FBXO22: variants seen among roughly 807,000 people sequenced by gnomAD.
The protein encoded by FBXO22 is F-box protein 22.
In FBXO22, 13 loss-of-function variants were observed where a neutral mutation model predicts 37.2. The observed-to-expected ratio is 0.35, with a 90% CI of 0.23 to 0.56. FBXO22 has a LOEUF of 0.56. Ranked by LOEUF, FBXO22 falls within the 20% of genes least tolerant of loss-of-function variation. The probability of loss-of-function intolerance (pLI) is 0.87; values close to 1 mark genes in which losing one functional copy is unlikely to be tolerated. For synonymous variants in FBXO22, 189 were observed against 189.1 expected (o/e 1.00, Z 0.00); for missense variants, 446 against 509.9 (o/e 0.87, Z 1.21).
rs1899876817 is a variant in FBXO22 at position 75,904,536 on chromosome 15, C to T, written c.186C>T (p.Thr62=). The part of the protein sequence containing the change: ...WRECVRRVLR[T]HRSVTWISAG... ...AGTGTGTGCGCAGAGTATTGCGGAC[C>T]CATCGGAGCGTAACCTGGATCTCCG... Residue 62 remains threonine, a synonymous_variant, in exon 2 of 7, where the codon ACC becomes ACT. Transcript: ENST00000308275. 6.2e-7 allele frequency: 1 copy of T among 1,613,658 alleles called. No individual in the cohort carries two copies. The highest frequency in any genetic ancestry group is 2.2e-5 in the East Asian group (1 of 44,814).
At chr15:75,919,135 A>AT (rs140491531) in intron 5 of FBXO22, among the ~76,000 whole-genome samples, 2 of 151,574 alleles carry the variant, frequency 1.3e-5, no homozygotes, top group Admixed American at 6.6e-5. Flanking sequence ...TGCCTGGCTA[A>AT]TTTTTTTTGT....
intron 3 of FBXO22, among the ~76,000 whole-genome samples, 156 bp from the exon 4 acceptor site, chr15:75,913,954 A>G (rs1900126241): frequency 6.6e-6 from 1 of 152,248 alleles, no homozygotes. Flanking sequence ...CAAAACAGGT[A>G]AAGTGTTTGT....
intron 5 of FBXO22, among the ~76,000 whole-genome samples, chr15:75,924,854 A>T (rs1900405971): frequency 6.6e-6 from 1 of 152,180 alleles, no homozygotes; most frequent in African/African-American, 2.4e-5. Flanking sequence ...CAGTTGACTC[A>T]CACCTGGGAT....
chr15:75,933,277 A>G lies in FBXO22; in HGVS notation c.*175A>G. On this transcript the variant is annotated 3_prime_UTR_variant, in exon 7 of 7. Coordinates refer to ENST00000308275, the MANE Select transcript of FBXO22 (RefSeq NM_147188.3). ...TATTTAATATATTAGATGAAGGACA[A>G]CTTTGGACATAACACTGACTAGGAG... is the stretch of plus-strand genomic sequence containing the variant. 1.7e-6 allele frequency: 1 copy of G among 593,820 alleles called. No individual in the cohort carries two copies. Among genetic ancestry groups the G allele is most frequent in the African/African-American group, 1.9e-5 (1 of 53,674 alleles). 36.8% of individuals were successfully genotyped at this position (593,820 alleles called of 1,614,324 possible). A position where few individuals can be genotyped will look rare whatever the true frequency, so the allele number is the denominator to read the frequency against.
At chr15:75,931,663 A>T (rs2030021748) in intron 6 of FBXO22, among the ~76,000 whole-genome samples, 1 of 152,200 alleles carries the variant, frequency 6.6e-6, no homozygotes, top group Non-Finnish European at 1.5e-5. Flanking sequence ...TGGAAGCATG[A>T]TACAATACTT....
chr15:75,914,355 T>G, intron 4 of FBXO22, 150 bp downstream of exon 4: 1 of 610,798 alleles, frequency 1.6e-6, no homozygotes, highest in Non-Finnish European at 2.9e-6. Context: ...GCATTATATT[T>G]GCCTTATATT....
chr15:75,932,646 A>G (rs781291730), intron 6 of FBXO22, 39 bp from the exon 7 acceptor site: 5 of 1,526,250 alleles, frequency 3.3e-6, no homozygotes, highest in South Asian at 2.6e-5. Context: ...AAAAATTTTA[A>G]TGTTTCATGA....
In FBXO22 at chr15:75,937,223, A is replaced by G. The variant is rs2030434933; in HGVS notation, c.*4121A>G. 1 of 151,550 alleles carries G rather than the reference A, an allele frequency of 6.6e-6. No homozygotes were observed. Among genetic ancestry groups the G allele is most frequent in the Non-Finnish European group, 1.5e-5 (1 of 67,848 alleles). 9.4% of individuals were successfully genotyped at this position (151,550 alleles called of 1,614,324 possible). A position where few individuals can be genotyped will look rare whatever the true frequency, so the allele number is the denominator to read the frequency against. On this transcript the variant is annotated 3_prime_UTR_variant, in exon 7 of 7. Coordinates refer to ENST00000308275, the MANE Select transcript of FBXO22 (RefSeq NM_147188.3). ...TGCCTATCAAAACATTAAAAAAAAA[A>G]AAGAGGCCGGGCGTGGTGGCTCACG...
In FBXO22 at chr15:75,937,666, C is replaced by T. The variant is rs1234416048; in HGVS notation, c.*4564C>T. 1 of 152,350 alleles carries T rather than the reference C, an allele frequency of 6.6e-6. No individual in the cohort carries two copies. Among genetic ancestry groups the T allele is most frequent in the Non-Finnish European group, 1.5e-5 (1 of 68,064 alleles). 9.4% of individuals were successfully genotyped at this position (152,350 alleles called of 1,614,324 possible). ...TTTAGTGGCTCTTGCCCGAGCCTCT[C>T]CCTACATTGTGGCAGTCTTAAAGCA... On this transcript the variant is annotated 3_prime_UTR_variant, in exon 7 of 7. Coordinates refer to ENST00000308275, the MANE Select transcript of FBXO22 (RefSeq NM_147188.3).
In FBXO22 at chr15:75,938,677, A is replaced by G. The variant is rs534615098; in HGVS notation, c.*5575A>G. On this transcript the variant is annotated 3_prime_UTR_variant, in exon 7 of 7. Transcript: ENST00000308275. ...CAGATATAAGCAGGTAGAAGAAAGA[A>G]TCAGCAAACTTGAGATGGGATCACT... The G allele has an allele frequency of 6.6e-6, 1 of 152,218 alleles. No homozygotes were observed. Among genetic ancestry groups the G allele is most frequent in the Non-Finnish European group, 1.5e-5 (1 of 68,038 alleles). 9.4% of individuals were successfully genotyped at this position (152,218 alleles called of 1,614,324 possible).
At chr15:75,916,818 G>GTA (rs1031256693) in intron 4 of FBXO22, among the ~76,000 whole-genome samples, 1 of 149,582 alleles carries the variant, frequency 6.7e-6, no homozygotes, top group Non-Finnish European at 1.5e-5. Context: ...AAATACTTGG[G>GTA]TATATATATA....
intron 5 of FBXO22, among the ~76,000 whole-genome samples, chr15:75,923,722 G>A (rs1900378624): frequency 6.6e-6 from 1 of 152,154 alleles, no homozygotes; most frequent in African/African-American, 2.4e-5. Flanking sequence ...ACACCATGTT[G>A]AACATGATAA....
chr15:75,927,547 C>T (rs2141721361), intron 5 of FBXO22, among the ~76,000 whole-genome samples: 1 of 152,234 alleles, frequency 6.6e-6, no homozygotes, highest in Non-Finnish European at 1.5e-5. Flanking sequence ...TAAAATAAAA[C>T]TCTAGACTTG....
intron 2 of FBXO22, among the ~76,000 whole-genome samples, chr15:75,908,196 C>T (rs564888398): frequency 3.3e-5 from 5 of 152,168 alleles, no homozygotes; most frequent in African/African-American, 1.2e-4. Flanking sequence ...AAACCTGAGG[C>T]CTAAAAGCTT....
At chr15:75,913,322 T>C (rs1407681803) in intron 3 of FBXO22, 32 bp downstream of exon 3, 4 of 1,441,552 alleles carry the variant, frequency 2.8e-6, no homozygotes, top group Non-Finnish European at 1.9e-6. Flanking sequence ...TTTGCTTCTG[T>C]TTTTTTATCA....
At chr15:75,920,684 A>G (rs1900299063) in intron 5 of FBXO22, among the ~76,000 whole-genome samples, 1 of 152,072 alleles carries the variant, frequency 6.6e-6, no homozygotes, top group African/African-American at 2.4e-5. Context: ...CTAGCCAAGC[A>G]TGGTGGCACG....
chr15:75,922,033 TTACA>T (rs2141717572), intron 5 of FBXO22, among the ~76,000 whole-genome samples: 2 of 152,160 alleles, frequency 1.3e-5, no homozygotes, highest in African/African-American at 4.8e-5. Flanking sequence ...ACCTCTAAAA[TTACA>T]ATTAAAAGTA....
Position 75,935,325 on chromosome 15 carries a change from A to G in FBXO22, c.*2223A>G, listed in dbSNP as rs985697756. ...CCTCTGTGAAACTGAAAATGATCACATGAAAAAAATGTGAGCATAAAAAAG... is the reference window on the plus strand; with the variant it reads ...CCTCTGTGAAACTGAAAATGATCACGTGAAAAAAATGTGAGCATAAAAAAG... On this transcript the variant is annotated 3_prime_UTR_variant, in exon 7 of 7. Transcript: ENST00000308275. The G allele has an allele frequency of 2.0e-5, 3 of 152,198 alleles. No homozygotes were observed. The highest frequency in any genetic ancestry group is 1.3e-4 in the Admixed American group (2 of 15,284). 9.4% of individuals were successfully genotyped at this position (152,198 alleles called of 1,614,324 possible). A position where few individuals can be genotyped will look rare whatever the true frequency, so the allele number is the denominator to read the frequency against.
intron 2 of FBXO22, among the ~76,000 whole-genome samples, chr15:75,907,869 G>A (rs1250399151): frequency 3.9e-5 from 6 of 152,080 alleles, no homozygotes; most frequent in African/African-American, 1.4e-4. Flanking sequence ...CTTGAACCAG[G>A]GAGATGGAGT....
Sources: gnomAD v4.1 joint callset for allele counts (sites outside exome capture counted in the v4.1 genomes callset) on GRCh38, gnomAD v4.1.1 for gene constraint, MANE v1.5 for transcripts, NCBI Gene and HGNC (gene_info 2026-07-23, HGNC 2026-07-21) for gene names.